CRTC1: variants seen among roughly 807,000 people sequenced by gnomAD.
The protein encoded by CRTC1 is CREB-regulated transcription coactivator 1.
CRTC1 carries 18 observed loss-of-function variants against 66.1 expected under a neutral mutation model. The observed-to-expected ratio is 0.27, with a 90% CI of 0.19 to 0.40. The LOEUF (loss-of-function observed/expected upper bound fraction) is 0.40. Ranked by LOEUF, CRTC1 falls within the 10% of genes least tolerant of loss-of-function variation. The pLI is 1.00. For synonymous variants in CRTC1, 416 were observed against 398.8 expected (o/e 1.04, Z -0.51); for missense variants, 669 against 887.9 (o/e 0.75, Z 3.13).
At chr19:18,688,523 C>T (rs190778465) in intron 1 of CRTC1, among the ~76,000 whole-genome samples, 5 of 152,124 alleles carry the variant, frequency 3.3e-5, no homozygotes, top group African/African-American at 9.7e-5. Flanking sequence ...ACTGCAACCT[C>T]CGCCTCCTGG....
At position 18,768,810 on chromosome 19, in the gene CRTC1, G is replaced by A. The variant is rs766339589; in HGVS notation, c.1320+17G>A. 7.6e-6 allele frequency: 12 copies of A among 1,583,636 alleles called. No individual in the cohort carries two copies. The highest frequency in any genetic ancestry group is 1.0e-5 in the Non-Finnish European group (12 of 1,165,996). On this transcript the variant is annotated intron_variant, in intron 10 of 13. Transcript: ENST00000321949. The surrounding 1 kb of genome is among the most constrained non-coding windows in gnomAD (Gnocchi z 5.6). The stretch of plus-strand genomic sequence containing the variant: ...ATCGCCTCGGTAAGCCCAGGGTGGG[G>A]TCCCTCGGGGCCTGACTGGGGGTCT...
chr19:18,700,893 C>T (rs2053120247), intron 1 of CRTC1, among the ~76,000 whole-genome samples: 1 of 152,248 alleles, frequency 6.6e-6, no homozygotes, highest in Admixed American at 6.5e-5. Context: ...CAGAGGCTCC[C>T]TGCTGCGTTA....
At chr19:18,698,616 G>A (rs919910936) in intron 1 of CRTC1, among the ~76,000 whole-genome samples, 2 of 151,402 alleles carry the variant, frequency 1.3e-5, no homozygotes, top group Middle Eastern at 3.5e-3. Context: ...AGCAGGCGCA[G>A]TGTGTGCTCA....
chr19:18,728,931 G>T (rs1227206023), intron 1 of CRTC1, among the ~76,000 whole-genome samples: 1 of 148,764 alleles, frequency 6.7e-6, no homozygotes, highest in Non-Finnish European at 1.5e-5. Context: ...TCCTGCCTCA[G>T]CCTCCCAAGT....
chr19:18,688,430 G>T (rs897972840), intron 1 of CRTC1, among the ~76,000 whole-genome samples: 1 of 151,028 alleles, frequency 6.6e-6, no homozygotes, highest in Non-Finnish European at 1.5e-5. Context: ...TGCTTGTTTT[G>T]TTTGTTTGTT....
In CRTC1 at chr19:18,689,583, A is replaced by ATATATATATATATATATATATGTATG. The variant is rs60084986; in HGVS notation, c.126+5758_126+5759insATATATATATATATATATGTATGTAT. ...GATGGCCATATATATATATATATAT[A>ATATATATATATATATATATATGTATG]TATGTAATATAACACTTACCATTTT... On this transcript the variant is annotated intron_variant, in intron 1 of 13. Transcript: ENST00000321949. Among the ~76,000 whole-genome samples the ATATATATATATATATATATATGTATG allele has an allele frequency of 1.7e-4, 11 of 65,728 alleles. No homozygotes were observed. The South Asian group carries it at 2.5e-3, about 15-fold the overall frequency. The allele number at this position is 65,728 out of a possible 152,430, so 43.1% of individuals were successfully genotyped here.
chr19:18,698,920 A>C (rs2053065455), intron 1 of CRTC1, among the ~76,000 whole-genome samples: 1 of 151,870 alleles, frequency 6.6e-6, no homozygotes, highest in Non-Finnish European at 1.5e-5. Context: ...GCAGGTGCAC[A>C]GTGTGTATTT....
At chr19:18,765,213 G>A in intron 8 of CRTC1, among the ~76,000 whole-genome samples, 191 bp from the exon 9 acceptor site, 1 of 152,244 alleles carries the variant, frequency 6.6e-6, no homozygotes, top group East Asian at 1.9e-4. Flanking sequence ...AGACTCTGCA[G>A]GACTGTGGGA....
chr19:18,702,291 C>T (rs1469235469), intron 1 of CRTC1, among the ~76,000 whole-genome samples: 1 of 151,444 alleles, frequency 6.6e-6, no homozygotes, highest in East Asian at 1.9e-4. Context: ...GTGATCTTGG[C>T]TCACTGTAGC....
At chr19:18,775,136 G>GTCCCA in intron 12 of CRTC1, 150 bp downstream of exon 12, 1 of 772,818 alleles carries the variant, frequency 1.3e-6, no homozygotes, top group South Asian at 1.7e-5. Flanking sequence ...CCCCCGCCCC[G>GTCCCA]TCCCATCTGC....
intron 1 of CRTC1, among the ~76,000 whole-genome samples, chr19:18,700,222 G>C (rs968886258): frequency 6.6e-6 from 1 of 152,208 alleles, no homozygotes; most frequent in Non-Finnish European, 1.5e-5. Context: ...ACTCCGTGGG[G>C]TGGGGTTGAA....
chr19:18,744,027 C>T (rs900026134), intron 2 of CRTC1: 7 of 1,502,748 alleles, frequency 4.7e-6, no homozygotes, highest in East Asian at 2.3e-5. Context: ...GCCCACAGCC[C>T]GGGGGGAGGT....
At chr19:18,746,745 A>T (rs1251447917) in intron 3 of CRTC1, among the ~76,000 whole-genome samples, 1 of 152,082 alleles carries the variant, frequency 6.6e-6, no homozygotes, top group Non-Finnish European at 1.5e-5. Flanking sequence ...CAGCGTCCCC[A>T]CAGGCCCTAC....
Position 18,741,680 on chromosome 19 carries a change from C to T in CRTC1, c.127-1230C>T, listed in dbSNP as rs186957264. Reference sequence around the variant, plus strand: ...GTTCATTGTGTATGTGTCTGGCCAGCGGCCACCAAGGGCTCCCAGCACAGA... The same window carrying T: ...GTTCATTGTGTATGTGTCTGGCCAGTGGCCACCAAGGGCTCCCAGCACAGA... On this transcript the variant is annotated intron_variant, in intron 1 of 13. Coordinates refer to ENST00000321949, the MANE Select transcript of CRTC1 (RefSeq NM_015321.3). This position sits in a 1 kb window ranked among gnomAD's most constrained non-coding sequence, Gnocchi z 4.2. 6.6e-6 allele frequency among the ~76,000 whole-genome samples: 1 copy of T among 152,154 alleles called. No individual in the cohort carries two copies.
intron 1 of CRTC1, among the ~76,000 whole-genome samples, chr19:18,699,323 A>T (rs1327971059): frequency 1.3e-5 from 2 of 152,118 alleles, no homozygotes; most frequent in African/African-American, 4.8e-5. Context: ...AAGTGAGAAG[A>T]GTAGTTTGTG....
chr19:18,689,583 A>ATATATATATATATATATATATG (rs60084986), intron 1 of CRTC1, among the ~76,000 whole-genome samples: 160 of 65,588 alleles, frequency 2.4e-3, no homozygotes, highest in African/African-American at 5.9e-3. Context: ...ATATATATAT[A>ATATATATATATATATATATATG]TATGTAATAT....
chr19:18,726,290 G>C (rs774699616), intron 1 of CRTC1, among the ~76,000 whole-genome samples: 2 of 152,220 alleles, frequency 1.3e-5, no homozygotes, highest in Non-Finnish European at 2.9e-5. Context: ...CACCGCTGAC[G>C]TGTGCCGGCC....
At chr19:18,735,164 G>A (rs1044378116) in intron 1 of CRTC1, among the ~76,000 whole-genome samples, 1 of 152,196 alleles carries the variant, frequency 6.6e-6, no homozygotes, top group African/African-American at 2.4e-5. Flanking sequence ...ACAAGTCAGG[G>A]GCAGAAGGCT....
At position 18,772,598 on chromosome 19, in the gene CRTC1, G is replaced by A. The variant is rs556913825; in HGVS notation, c.1425+1052G>A. ...GGGCTCCCTTGTCCCAGGGCAAACCGTGAGCGCCACAGACAAGGACAGTGA... is the reference window on the plus strand; with the variant it reads ...GGGCTCCCTTGTCCCAGGGCAAACCATGAGCGCCACAGACAAGGACAGTGA... On this transcript the variant is annotated intron_variant, in intron 11 of 13. Transcript: ENST00000321949. Among the ~76,000 whole-genome samples the A allele has an allele frequency of 1.2e-4, 19 of 152,304 alleles. No individual in the cohort carries two copies. The South Asian group carries it at 3.1e-3, about 25-fold the overall frequency.
Sources: gnomAD v4.1 joint callset for allele counts (sites outside exome capture counted in the v4.1 genomes callset) on GRCh38, gnomAD v4.1.1 for gene constraint, Gnocchi (gnomAD v3.1) non-coding constraint, MANE v1.5 for transcripts, NCBI Gene and HGNC (gene_info 2026-07-23, HGNC 2026-07-21) for gene names.